Variants in FARP2 observed in about 807,000 individuals in gnomAD.
The protein encoded by FARP2 is FERM, ARHGEF and pleckstrin domain-containing protein 2.
FARP2 carries 111 observed loss-of-function variants against 130.5 expected under a neutral mutation model. The ratio of observed to expected loss-of-function variants is 0.85; its 90% CI spans 0.73 to 1.00. The LOEUF (loss-of-function observed/expected upper bound fraction) is 1.00, where lower values mean the gene tolerates loss of function less well. Ranked by LOEUF, FARP2 falls within the 50% of genes least tolerant of loss-of-function variation. The pLI, the probability that FARP2 is intolerant of heterozygous loss-of-function variation, is 0.00. For missense variants in FARP2, 1,385 were observed against 1,346.3 expected (o/e 1.03, Z -0.45); for synonymous variants, 504 against 516.9 (o/e 0.98, Z 0.34).
intron 2 of FARP2, among the ~76,000 whole-genome samples, chr2:241,398,681 T>C (rs1341895871): frequency 6.6e-6 from 1 of 151,968 alleles, no homozygotes; most frequent in African/African-American, 2.4e-5. Flanking sequence ...GCAACTCTCC[T>C]GCCTCAGCCT....
chr2:241,369,840 A>G (rs943400676), intron 1 of FARP2, among the ~76,000 whole-genome samples: 1 of 152,250 alleles, frequency 6.6e-6, no homozygotes, highest in African/African-American at 2.4e-5. Flanking sequence ...GACCAAGAAC[A>G]TATAGATCAC....
intron 1 of FARP2, among the ~76,000 whole-genome samples, chr2:241,358,594 T>C (rs1006034713): frequency 6.6e-6 from 1 of 152,224 alleles, no homozygotes; most frequent in Non-Finnish European, 1.5e-5. Flanking sequence ...TTTGTTCTTA[T>C]TTTTCCTTCA....
Position 241,456,797 on chromosome 2 carries a change from C to T in FARP2, c.1462C>T (p.Leu488=). The part of the protein sequence containing the change: ...QPSPSSRKSP[L]SLSPAFQVPL... ...TTCTCCCTCCAGCCGGAAGAGCCCC[C>T]TGAGTCTGAGCCCTGCATTTCAGGT... is the stretch of plus-strand genomic sequence containing the variant. The change falls in exon 14 of 27, where the codon CTG becomes TTG. Residue 488 remains leucine (L), a synonymous_variant. Coordinates refer to ENST00000264042, the MANE Select transcript of FARP2 (RefSeq NM_014808.4). 1 of 1,614,152 alleles carries T rather than the reference C, an allele frequency of 6.2e-7. No individual in the cohort carries two copies. Among genetic ancestry groups the T allele is most frequent in the South Asian group, 1.1e-5 (1 of 91,084 alleles).
At chr2:241,427,915 T>C (rs560991242) in intron 8 of FARP2, among the ~76,000 whole-genome samples, 15 of 152,182 alleles carry the variant, frequency 9.9e-5, no homozygotes, top group Middle Eastern at 3.4e-3. Flanking sequence ...TAGAGGCGCC[T>C]GCCACCACGT....
intron 8 of FARP2, among the ~76,000 whole-genome samples, chr2:241,425,882 T>C (rs1214166169): frequency 6.6e-6 from 1 of 150,468 alleles, no homozygotes; most frequent in Non-Finnish European, 1.5e-5. Flanking sequence ...TTTTTGAGAC[T>C]ACAGTTTTAT....
In FARP2 at chr2:241,373,158, C is replaced by A; in HGVS notation, c.51C>A (p.Arg17=). ...TYRVLQTAGM[R]LGAQTPVGVS... ...GAGTCCTGCAGACTGCAGGGATGCGCTTGGGTGCCCAGACCCCTGTGGGAG... is the reference window on the plus strand; with the variant it reads ...GAGTCCTGCAGACTGCAGGGATGCGATTGGGTGCCCAGACCCCTGTGGGAG... The change falls in exon 2 of 27, where the codon CGC becomes CGA. Residue 17 remains arginine, a synonymous_variant. Transcript: ENST00000264042. The A allele has an allele frequency of 6.5e-7, 1 of 1,550,348 alleles. No individual in the cohort carries two copies. The highest frequency in any genetic ancestry group is 8.8e-7 in the Non-Finnish European group (1 of 1,140,062).
chr2:241,403,733 T>C, intron 2 of FARP2, 95 bp from the exon 3 acceptor site: 1 of 657,744 alleles, frequency 1.5e-6, no homozygotes, highest in Admixed American at 2.6e-5. Context: ...CAAAGTGATT[T>C]TATGTGTGGG....
intron 1 of FARP2, among the ~76,000 whole-genome samples, chr2:241,366,137 A>ACG (rs2061314646): frequency 4.0e-5 from 4 of 101,008 alleles, no homozygotes; most frequent in East Asian, 5.0e-4. Context: ...ATATATATAT[A>ACG]TACACACACA....
At chr2:241,486,493 A>G (rs903884782) in intron 21 of FARP2, among the ~76,000 whole-genome samples, 5 of 115,656 alleles carry the variant, frequency 4.3e-5, no homozygotes. Context: ...AAAAACACAG[A>G]GAAAAGAAAC....
At chr2:241,357,954 C>A (rs1302212179) in intron 1 of FARP2, among the ~76,000 whole-genome samples, 1 of 152,208 alleles carries the variant, frequency 6.6e-6, no homozygotes, top group Non-Finnish European at 1.5e-5. Flanking sequence ...CTTTGGGAGG[C>A]CGAGGCAGGC....
chr2:241,426,722 G>A (rs1302304847), intron 8 of FARP2, among the ~76,000 whole-genome samples: 1 of 152,124 alleles, frequency 6.6e-6, no homozygotes, highest in Non-Finnish European at 1.5e-5. Flanking sequence ...ATATGCCCTG[G>A]ATTATTGGAT....
At chr2:241,457,461 ACTAGGGACCGCTTTGG>A (rs2063885292) in intron 14 of FARP2, among the ~76,000 whole-genome samples, 1 of 129,272 alleles carries the variant, frequency 7.7e-6, no homozygotes, top group Non-Finnish European at 1.7e-5. Flanking sequence ...GGGAGGGTAC[ACTAGGGACCGCTTTGG>A]GTTCCGGAGA....
At chr2:241,481,929 C>T (rs1447725072) in intron 19 of FARP2, among the ~76,000 whole-genome samples, 1 of 152,132 alleles carries the variant, frequency 6.6e-6, no homozygotes, top group Non-Finnish European at 1.5e-5. Context: ...CAGCCCTGGG[C>T]CTTGCATGAA....
chr2:241,490,029 T>C lies in FARP2; in HGVS notation c.2489T>C (p.Ile830Thr), dbSNP rs1261213213. The C allele has an allele frequency of 6.2e-7, 1 of 1,613,586 alleles. No homozygotes were observed. The highest frequency in any genetic ancestry group is 1.1e-5 in the South Asian group (1 of 91,074). ...CFTIYAAQKT[I>T]VVAASTRLEK... ...ACCATCTACGCGGCTCAGAAAACAA[T>C]CGTGGTGGCAGCCAGGTAAGGGTCT... is the stretch of plus-strand genomic sequence containing the variant. Residue 830 changes from isoleucine (I) to threonine (T), a missense_variant, in exon 22 of 27, where the codon ATC becomes ACC. Ile to Thr is a moderately conservative substitution (Grantham distance 89). Transcript: ENST00000264042.
chr2:241,492,786 G>A (rs1224696113), intron 24 of FARP2, 143 bp from the exon 25 acceptor site: 1 of 592,292 alleles, frequency 1.7e-6, no homozygotes, highest in Non-Finnish European at 3.0e-6. Context: ...TACTGATAAA[G>A]CTGCTGTTCA....
intron 18 of FARP2, 120 bp downstream of exon 18, chr2:241,468,497 G>A: frequency 1.4e-6 from 1 of 722,746 alleles, no homozygotes; most frequent in Non-Finnish European, 2.4e-6. Context: ...CCCCATTAGG[G>A]CCTGGACCAC....
chr2:241,356,485 G>C (rs2061067645), intron 1 of FARP2, 97 bp downstream of exon 1: 1 of 152,382 alleles, frequency 6.6e-6, no homozygotes, highest in Non-Finnish European at 1.5e-5. Context: ...CCAGGCGGGG[G>C]GGGCGCTGAG....
intron 18 of FARP2, among the ~76,000 whole-genome samples, chr2:241,474,109 A>G (rs529289277): frequency 4.6e-5 from 7 of 151,126 alleles, no homozygotes; most frequent in Admixed American, 1.3e-4. Context: ...GATCGAGACC[A>G]TCCTGGCTAA....
intron 6 of FARP2, among the ~76,000 whole-genome samples, chr2:241,412,275 C>T (rs764116148): frequency 5.9e-5 from 9 of 152,102 alleles, no homozygotes; most frequent in Non-Finnish European, 8.8e-5. Context: ...GGAAAAGATC[C>T]GCCCCCATGA....
Sources: gnomAD v4.1 joint callset for allele counts (sites outside exome capture counted in the v4.1 genomes callset) on GRCh38, gnomAD v4.1.1 for gene constraint, MANE v1.5 for transcripts, NCBI Gene and HGNC (gene_info 2026-07-23, HGNC 2026-07-21) for gene names.